The following PPP3CA variants were observed in gnomAD, a reference collection of about 807,000 sequenced individuals.
PPP3CA encodes CAM-PRP catalytic subunit.
In PPP3CA, 14 loss-of-function variants were observed where a neutral mutation model predicts 66.5. That is an observed-to-expected ratio of 0.21 (90% CI 0.14 to 0.33). The LOEUF (loss-of-function observed/expected upper bound fraction) is 0.33. PPP3CA is among the 10% of genes least tolerant of loss of function. The pLI, the probability that PPP3CA is intolerant of heterozygous loss-of-function variation, is 1.00. For synonymous variants in PPP3CA, 232 were observed against 226.2 expected, an observed-to-expected ratio of 1.03 and a Z score of -0.23; for missense variants, 317 against 639.5, an observed-to-expected ratio of 0.50 and a Z score of 5.44.
intron 1 of PPP3CA, among the ~76,000 whole-genome samples, chr4:101,264,664 C>T (rs1378220396): frequency 6.6e-6 from 1 of 152,136 alleles, no homozygotes; most frequent in Non-Finnish European, 1.5e-5. Context: ...ATTCTAAAAG[C>T]CCAGTTGCAC....
intron 5 of PPP3CA, among the ~76,000 whole-genome samples, chr4:101,094,547 T>C (rs1019315934): frequency 8.5e-5 from 13 of 152,198 alleles, no homozygotes; most frequent in Non-Finnish European, 1.9e-4. Context: ...ACAAGCCTCC[T>C]GTAGTTGATC....
intron 1 of PPP3CA, among the ~76,000 whole-genome samples, chr4:101,250,031 G>A (rs148991686): frequency 5.5e-4 from 84 of 152,158 alleles, no homozygotes; most frequent in Middle Eastern, 3.4e-3. Flanking sequence ...GCTGTATAAG[G>A]TATGATGGTA....
intron 1 of PPP3CA, among the ~76,000 whole-genome samples, chr4:101,207,040 G>C (rs564891702): frequency 6.6e-6 from 1 of 151,510 alleles, no homozygotes; most frequent in Admixed American, 6.6e-5. Context: ...AACTGAAAAG[G>C]GACAAGAAAA....
Position 101,093,997 on chromosome 4 carries a change from C to A in PPP3CA, c.643-82G>T, listed in dbSNP as rs937865871. ...GACAATACAAGAAACAAGCACTGTG[C>A]AGAACCCATCCTCTTCTCCCCAGCT... On this transcript the variant is annotated intron_variant, in intron 5 of 13. Transcript: ENST00000394854. 3.1e-6 allele frequency: 4 copies of A among 1,304,938 alleles called. No homozygotes were observed. The African/African-American group carries it at 6.1e-5, about 20-fold the overall frequency. 80.8% of individuals were successfully genotyped at this position (1,304,938 alleles called of 1,614,324 possible).
chr4:101,099,763 T>A, intron 3 of PPP3CA, 41 bp from the exon 4 acceptor site: 2 of 1,111,236 alleles, frequency 1.8e-6, no homozygotes, highest in South Asian at 2.0e-5. Flanking sequence ...ATATTTTTCC[T>A]TAACACTTAT....
intron 6 of PPP3CA, among the ~76,000 whole-genome samples, chr4:101,092,668 A>T (rs1481577344): frequency 6.6e-6 from 1 of 151,874 alleles, no homozygotes; most frequent in East Asian, 1.9e-4. Context: ...ACTCCCACTT[A>T]TGAGTGAGAA....
chr4:101,269,936 T>C (rs1203838098), intron 1 of PPP3CA, among the ~76,000 whole-genome samples: 1 of 152,150 alleles, frequency 6.6e-6, no homozygotes, highest in East Asian at 1.9e-4. Flanking sequence ...GGTTAACCCA[T>C]GGTAACCTCT....
chr4:101,337,125 A>C (rs1412908580), intron 1 of PPP3CA, among the ~76,000 whole-genome samples: 5 of 152,232 alleles, frequency 3.3e-5, no homozygotes, highest in Non-Finnish European at 7.3e-5. Context: ...AATAAATAAG[A>C]ATCATCTATT....
intron 1 of PPP3CA, among the ~76,000 whole-genome samples, chr4:101,248,907 T>A (rs1235007361): frequency 6.6e-6 from 1 of 152,086 alleles, no homozygotes; most frequent in Non-Finnish European, 1.5e-5. Context: ...ACGCCTGTAA[T>A]CCCAACACTT....
In PPP3CA at chr4:101,314,569, CAAAAAAAAAAAAAAA is replaced by C. The variant is rs748980814; in HGVS notation, c.58+32155_58+32169del. ...ACAGAGCAAGACTCCATCTCAAAAC[CAAAAAAAAAAAAAAA>C]AAAAAAAAGATTTAATTTTCAAAAT... On this transcript the variant is annotated intron_variant, in intron 1 of 13. Transcript: ENST00000394854. Among the ~76,000 whole-genome samples, 27 of 75,258 alleles carry C rather than the reference CAAAAAAAAAAAAAAA, an allele frequency of 3.6e-4. No individual in the cohort carries two copies. The Admixed American group carries it at 3.6e-3, about 10-fold the overall frequency. The allele number at this position is 75,258 out of a possible 152,430, so 49.4% of individuals were successfully genotyped here.
Position 101,125,203 on chromosome 4 carries a change from A to G in PPP3CA, c.260-16125T>C, listed in dbSNP as rs573775930. On this transcript the variant is annotated intron_variant, in intron 2 of 13. Coordinates refer to ENST00000394854, the MANE Select transcript of PPP3CA (RefSeq NM_000944.5). ...TTGCCATTCACGAACATTACTAAAC[A>G]TATCTTTCCCTCATAAAATGCAGTA... 3.3e-5 allele frequency among the ~76,000 whole-genome samples: 5 copies of G among 152,348 alleles called. No individual in the cohort carries two copies. In the South Asian group the frequency reaches 8.3e-4, roughly 25 times the overall value.
intron 3 of PPP3CA, among the ~76,000 whole-genome samples, chr4:101,106,450 A>AAAGAAGAGAAGAGAAGAGAAGAG (rs751759518): frequency 9.0e-5 from 1 of 11,094 alleles, no homozygotes; most frequent in Non-Finnish European, 1.7e-4. Flanking sequence ...AGAAAGAAAG[A>AAAGAAGAGAAGAGAAGAGAAGAG]AAGAGAAAAG....
chr4:101,152,404 G>T (rs1328023107), intron 2 of PPP3CA, among the ~76,000 whole-genome samples: 2 of 152,112 alleles, frequency 1.3e-5, no homozygotes, highest in African/African-American at 2.4e-5. Flanking sequence ...ATTTGAAAAA[G>T]ATTTTTCTTT....
chr4:101,124,663 CAGAAAGAA>C (rs1227730298), intron 2 of PPP3CA, among the ~76,000 whole-genome samples: 1,731 of 55,144 alleles, frequency 0.031, 116 homozygotes, highest in African/African-American at 0.046. Flanking sequence ...GAGAGAGAGA[CAGAAAGAA>C]AGAAAGAAAG....
chr4:101,185,648 G>A (rs1724386731), intron 2 of PPP3CA, among the ~76,000 whole-genome samples: 1 of 152,174 alleles, frequency 6.6e-6, no homozygotes, highest in African/African-American at 2.4e-5. Context: ...GTGTCAATTA[G>A]AAACCTGTTT....
intron 2 of PPP3CA, among the ~76,000 whole-genome samples, chr4:101,168,143 G>A (rs767495967): frequency 6.6e-5 from 10 of 152,170 alleles, no homozygotes; most frequent in South Asian, 2.1e-4. Context: ...AGTGCAGACA[G>A]GGAATGGAGA....
At chr4:101,249,143 G>A (rs563368214) in intron 1 of PPP3CA, among the ~76,000 whole-genome samples, 15 of 150,230 alleles carry the variant, frequency 1.0e-4, no homozygotes, top group Admixed American at 1.3e-4. Flanking sequence ...GTCCGGCCTG[G>A]GCGACAGAGC....
chr4:101,277,796 G>C (rs1006200068), intron 1 of PPP3CA, among the ~76,000 whole-genome samples: 20 of 152,238 alleles, frequency 1.3e-4, no homozygotes, highest in African/African-American at 4.8e-4. Context: ...GCTGCAAACA[G>C]GGTTTTCTAC....
intron 1 of PPP3CA, among the ~76,000 whole-genome samples, chr4:101,198,761 A>T (rs1244389257): frequency 2.0e-5 from 3 of 152,182 alleles, no homozygotes; most frequent in Non-Finnish European, 4.4e-5. Flanking sequence ...CAAGGCCAAG[A>T]TCACTGCAAT....
Sources: allele counts gnomAD v4.1 joint callset (sites outside exome capture counted in the v4.1 genomes callset), GRCh38; gene constraint gnomAD v4.1.1; transcripts MANE v1.5; gene names NCBI Gene and HGNC (gene_info 2026-07-23, HGNC 2026-07-21).